MTDH: variants seen among roughly 807,000 people sequenced by gnomAD.
MTDH encodes protein LYRIC.
MTDH carries 34 observed loss-of-function variants against 72.7 expected under a neutral mutation model. The ratio of observed to expected loss-of-function variants is 0.47; its 90% CI spans 0.36 to 0.62. MTDH has a LOEUF of 0.62. Ranked by LOEUF, MTDH falls within the 20% of genes least tolerant of loss-of-function variation. MTDH has a pLI of 0.00. For missense variants in MTDH, 677 were observed against 699.4 expected (o/e 0.97, Z 0.36); for synonymous variants, 266 against 268.9 (o/e 0.99, Z 0.10).
intron 4 of MTDH, among the ~76,000 whole-genome samples, chr8:97,687,999 T>C (rs886644736): frequency 6.6e-6 from 1 of 152,232 alleles, no homozygotes; most frequent in East Asian, 1.9e-4. Context: ...AGATGAATCA[T>C]GCATGTTCTG....
At chr8:97,697,127 AAAATAT>A (rs1813870294) in intron 6 of MTDH, among the ~76,000 whole-genome samples, 1 of 84,996 alleles carries the variant, frequency 1.2e-5, no homozygotes, top group Non-Finnish European at 2.0e-5. Flanking sequence ...CACAAAAAAA[AAAATAT>A]ATATATATAT....
chr8:97,700,082 C>G (rs886301662), intron 7 of MTDH, among the ~76,000 whole-genome samples: 2 of 152,084 alleles, frequency 1.3e-5, no homozygotes, highest in Non-Finnish European at 2.9e-5. Context: ...CTTCTAGTTG[C>G]TCTGTAGTAT....
intron 1 of MTDH, among the ~76,000 whole-genome samples, chr8:97,658,306 A>T (rs528124646): frequency 6.6e-6 from 1 of 152,392 alleles, no homozygotes; most frequent in Non-Finnish European, 1.5e-5. Flanking sequence ...ATAGGAGCGT[A>T]TGAGCACCTT....
chr8:97,664,296 T>C (rs1391517306), intron 2 of MTDH, among the ~76,000 whole-genome samples: 4 of 151,284 alleles, frequency 2.6e-5, no homozygotes, highest in Non-Finnish European at 5.9e-5. Context: ...GTGGAGGTTG[T>C]AGGGAGCTGA....
intron 8 of MTDH, among the ~76,000 whole-genome samples, chr8:97,708,592 T>TTTTTTTTTTTTTC (rs1814476578): frequency 3.2e-5 from 1 of 31,342 alleles, no homozygotes; most frequent in African/African-American, 1.7e-4. Flanking sequence ...TTTTTTTTTT[T>TTTTTTTTTTTTTC]TTTTTTTTTT....
At chr8:97,679,191 A>G (rs1054402093) in intron 2 of MTDH, among the ~76,000 whole-genome samples, 1 of 152,174 alleles carries the variant, frequency 6.6e-6, no homozygotes, top group Non-Finnish European at 1.5e-5. Flanking sequence ...GCATTTACCT[A>G]GGGTTACTTT....
At position 97,691,117 on chromosome 8, in the gene MTDH, C is replaced by G. The variant is rs1813589919; in HGVS notation, c.977C>G (p.Thr326Ser). Residue 326 changes from threonine to serine, a missense_variant, in exon 6 of 12, where the codon ACT (threonine) becomes AGT (serine). Coordinates refer to ENST00000336273, the MANE Select transcript of MTDH (RefSeq NM_178812.4). ...GAGCCATCTGCCTGGAGTCAAGACA[C>G]TGGAGATGCTAATACAAATGGAAAA... ...KTEPSAWSQD[T>S]GDANTNGKDW... 3.7e-6 allele frequency: 6 copies of G among 1,614,108 alleles called. No individual in the cohort carries two copies. Among genetic ancestry groups the G allele is most frequent in the Non-Finnish European group, 5.1e-6 (6 of 1,179,994 alleles).
At chr8:97,684,139 C>CA (rs76185022) in intron 2 of MTDH, among the ~76,000 whole-genome samples, 6,352 of 63,362 alleles carry the variant, frequency 0.1, 194 homozygotes, top group Middle Eastern at 0.15. Flanking sequence ...AACTCCTTCT[C>CA]AAAAAAAAAA....
At chr8:97,668,075 C>T (rs1812462069) in intron 2 of MTDH, among the ~76,000 whole-genome samples, 1 of 152,064 alleles carries the variant, frequency 6.6e-6, no homozygotes, top group Admixed American at 6.5e-5. Context: ...ATCACAAGGT[C>T]AGGAGATCAA....
intron 7 of MTDH, among the ~76,000 whole-genome samples, chr8:97,700,529 G>A (rs1458433343): frequency 1.3e-5 from 2 of 152,078 alleles, no homozygotes; most frequent in Non-Finnish European, 2.9e-5. Context: ...TGAAAATGGG[G>A]ACTAGCACTC....
At chr8:97,691,872 TTTTGTTTG>T (rs1028470950) in intron 6 of MTDH, among the ~76,000 whole-genome samples, 7 of 152,004 alleles carry the variant, frequency 4.6e-5, no homozygotes, top group African/African-American at 9.7e-5. Context: ...TTTTGTTGTT[TTTTGTTTG>T]TTTGTTTGTT....
In MTDH at chr8:97,687,600, A is replaced by T; in HGVS notation, c.740A>T (p.Asn247Ile). Reference sequence around the variant, plus strand: ...TCATTTCCTGTTGGTTCCAAGAAGAATAAAGGTATATTAGTGGAACATAAG... The same window carrying T: ...TCATTTCCTGTTGGTTCCAAGAAGATTAAAGGTATATTAGTGGAACATAAG... ...TASFPVGSKKNKGDSHLNVQV... is the reference protein window; with the variant it reads ...TASFPVGSKKIKGDSHLNVQV... Residue 247 changes from asparagine (N) to isoleucine (I), a missense_variant, in exon 4 of 12, where the codon AAT becomes ATT. Physicochemically the swap from Asn to Ile is moderately radical, Grantham distance 149 (BLOSUM62 -3). Around this residue, in one of 3 missense-constraint regions of MTDH, gnomAD observed 467 missense variants for 469.1 expected, o/e 1.00. Coordinates refer to ENST00000336273, the MANE Select transcript of MTDH (RefSeq NM_178812.4). 6.2e-7 allele frequency: 1 copy of T among 1,605,440 alleles called. No homozygotes were observed. The highest frequency in any genetic ancestry group is 1.7e-5 in the Admixed American group (1 of 58,066).
intron 1 of MTDH, among the ~76,000 whole-genome samples, chr8:97,651,482 A>G (rs1811769530): frequency 1.3e-5 from 2 of 152,206 alleles, no homozygotes; most frequent in Non-Finnish European, 1.5e-5. Context: ...CAGAAAGGAT[A>G]CTTATTTACA....
At chr8:97,712,103 TCTCGG>T (rs1410968349) in intron 8 of MTDH, among the ~76,000 whole-genome samples, 3 of 152,336 alleles carry the variant, frequency 2.0e-5, no homozygotes, top group African/African-American at 4.8e-5. Context: ...AGTGGCATGA[TCTCGG>T]CTCACTGCAA....
chr8:97,656,523 G>A (rs190820572), intron 1 of MTDH, among the ~76,000 whole-genome samples: 3,649 of 151,072 alleles, frequency 0.024, 72 homozygotes, highest in South Asian at 0.045. Flanking sequence ...GGATGGTCTC[G>A]ATCTCTTGAC....
At chr8:97,658,007 G>A (rs1017548650) in intron 1 of MTDH, among the ~76,000 whole-genome samples, 33 of 152,160 alleles carry the variant, frequency 2.2e-4, no homozygotes, top group African/African-American at 7.7e-4. Context: ...AAAATGAAAG[G>A]ACACATTGGC....
At position 97,666,944 on chromosome 8, in the gene MTDH, G is replaced by A. The variant is rs149938484; in HGVS notation, c.483+5771G>A. Among the ~76,000 whole-genome samples the A allele has an allele frequency of 5.9e-3, 900 of 152,122 alleles. 6 individuals are homozygous for A. The highest frequency in any genetic ancestry group is 0.02 in the African/African-American group (824 of 41,530). ...ACCCCTGACCTCAGGTGATCCACCTGCCTCCGCCTCCCAAAGTGCTGGGAT... is the reference window on the plus strand; with the variant it reads ...ACCCCTGACCTCAGGTGATCCACCTACCTCCGCCTCCCAAAGTGCTGGGAT... On this transcript the variant is annotated intron_variant, in intron 2 of 11. Transcript: ENST00000336273.
At chr8:97,647,000 TC>T (rs1811589958) in intron 1 of MTDH, among the ~76,000 whole-genome samples, 1 of 152,226 alleles carries the variant, frequency 6.6e-6, no homozygotes, top group Non-Finnish European at 1.5e-5. Flanking sequence ...CCCACTAAAT[TC>T]ATTTCACATT....
intron 9 of MTDH, among the ~76,000 whole-genome samples, chr8:97,717,692 C>G (rs770923538): frequency 7.0e-6 from 1 of 142,890 alleles, no homozygotes; most frequent in Non-Finnish European, 1.5e-5. Flanking sequence ...GCAAATTTTA[C>G]TTTACAGTTG....
Sources: allele counts gnomAD v4.1 joint callset (sites outside exome capture counted in the v4.1 genomes callset), GRCh38; gene constraint gnomAD v4.1.1; regional missense constraint gnomAD v4.1.1; transcripts MANE v1.5; gene names NCBI Gene and HGNC (gene_info 2026-07-23, HGNC 2026-07-21).